The following KCNU1 variants were observed in gnomAD, a reference collection of about 807,000 sequenced individuals.
The protein encoded by KCNU1 is potassium calcium-activated channel subfamily U member 1, also known as potassium channel subfamily U member 1.
Under a neutral mutation model 126.8 loss-of-function variants are expected in KCNU1, and 93 were observed. That is an observed-to-expected ratio of 0.73 (90% CI 0.62 to 0.87). The LOEUF is 0.87. Among genes scored for constraint, KCNU1 ranks in the 40% least tolerant of loss-of-function variants. The pLI is 0.00. For missense variants in KCNU1, 1,330 were observed against 1,367.1 expected (o/e 0.97, Z 0.43); for synonymous variants, 523 against 494.2 (o/e 1.06, Z -0.77).
At chr8:36,789,468 C>T (rs1802827648) in intron 2 of KCNU1, among the ~76,000 whole-genome samples, 1 of 152,000 alleles carries the variant, frequency 6.6e-6, no homozygotes, top group Admixed American at 6.6e-5. Flanking sequence ...TCCTTCTATC[C>T]TTCTTTCCTT....
At chr8:36,808,380 C>A (rs376671471) in intron 6 of KCNU1, among the ~76,000 whole-genome samples, 3 of 152,110 alleles carry the variant, frequency 2.0e-5, no homozygotes, top group African/African-American at 7.2e-5. Flanking sequence ...ATAACAATCT[C>A]TATGATCCAC....
At chr8:36,802,910 A>T (rs1803364086) in intron 2 of KCNU1, among the ~76,000 whole-genome samples, 1 of 152,282 alleles carries the variant, frequency 6.6e-6, no homozygotes, top group Admixed American at 6.5e-5. Context: ...TCACAAGAGG[A>T]GCTAGAGAAA....
intron 24 of KCNU1, among the ~76,000 whole-genome samples, chr8:36,927,736 G>A (rs13280170): frequency 1.3e-5 from 2 of 152,048 alleles, no homozygotes; most frequent in Admixed American, 6.6e-5. Context: ...CAACATTCAC[G>A]GTAGCTGAAA....
chr8:36,920,027 T>A (rs1163669653), intron 23 of KCNU1, among the ~76,000 whole-genome samples: 1 of 152,312 alleles, frequency 6.6e-6, no homozygotes, highest in Middle Eastern at 3.4e-3. Context: ...CCTAGACCCC[T>A]GGATCCTAGT....
chr8:36,887,018 A>C (rs1806731172), intron 19 of KCNU1, among the ~76,000 whole-genome samples: 1 of 152,130 alleles, frequency 6.6e-6, no homozygotes, highest in Non-Finnish European at 1.5e-5. Context: ...TGGTGTATAT[A>C]TACCACGTTT....
At chr8:36,813,952 T>A (rs141894175) in intron 7 of KCNU1, among the ~76,000 whole-genome samples, 12 of 152,280 alleles carry the variant, frequency 7.9e-5, no homozygotes, top group Non-Finnish European at 1.2e-4. Flanking sequence ...GTGGAGCTTT[T>A]CAAATGCTGT....
chr8:36,907,151 G>A (rs1390418877), intron 20 of KCNU1, among the ~76,000 whole-genome samples: 1 of 152,136 alleles, frequency 6.6e-6, no homozygotes, highest in East Asian at 1.9e-4. Context: ...AATTTGAAAT[G>A]TGAGCCTCTA....
In KCNU1 at chr8:36,886,238, G is replaced by A. The variant is rs1271018989; in HGVS notation, c.2010-19470G>A. On this transcript the variant is annotated intron_variant, in intron 19 of 26. Coordinates refer to ENST00000399881, the MANE Select transcript of KCNU1 (RefSeq NM_001031836.3). ...ACTGCAGCTACAGCAAACAAACAGT[G>A]CAATTCCTAGCTAGATTAACATAAA... 2.6e-5 allele frequency among the ~76,000 whole-genome samples: 4 copies of A among 152,150 alleles called. No homozygotes were observed. In the East Asian group the frequency reaches 7.7e-4, roughly 29 times the overall value.
chr8:36,826,998 T>C (rs1347891522), intron 10 of KCNU1, among the ~76,000 whole-genome samples: 2 of 152,238 alleles, frequency 1.3e-5, no homozygotes, highest in East Asian at 1.9e-4. Context: ...TTACTGGCTG[T>C]GGCTTCTGCT....
chr8:36,919,814 A>T (rs573522767), intron 23 of KCNU1, among the ~76,000 whole-genome samples: 3 of 152,206 alleles, frequency 2.0e-5, no homozygotes, highest in Non-Finnish European at 2.9e-5. Context: ...AACCACTGGG[A>T]TTTATCCCAA....
chr8:36,928,778 A>T (rs752976235), intron 24 of KCNU1: 3 of 491,512 alleles, frequency 6.1e-6, no homozygotes, highest in Non-Finnish European at 3.6e-6. Flanking sequence ...GACACAGCCT[A>T]TCTTCTGAAG....
chr8:36,928,494 A>G (rs990158011), intron 24 of KCNU1, among the ~76,000 whole-genome samples: 2 of 152,154 alleles, frequency 1.3e-5, no homozygotes, highest in African/African-American at 4.8e-5. Context: ...AACAAAGAAG[A>G]AACATAAGGA....
At chr8:36,795,785 C>G (rs1403938252) in intron 2 of KCNU1, 3 of 152,276 alleles carry the variant, frequency 2.0e-5, no homozygotes, top group Non-Finnish European at 4.4e-5. Flanking sequence ...CCAGCTCATC[C>G]TTTGCCCTCT....
intron 19 of KCNU1, among the ~76,000 whole-genome samples, chr8:36,905,460 C>A (rs199601756): frequency 1.5e-4 from 22 of 145,358 alleles, no homozygotes; most frequent in South Asian, 4.4e-4. Context: ...TAATCTAAGG[C>A]AAAAAAAAAA....
chr8:36,909,527 A>T lies in KCNU1; in HGVS notation c.2323A>T (p.Ile775Phe). ...TCTCTGGAATTTTCCCCAGATATAC[A>T]TTCTGCCTGTAAGTATCATATAAGG... ...RFLWNFPQIY[I>F]LPGCALYSGD... is the part of the protein sequence containing the mutation. Residue 775 changes from isoleucine to phenylalanine, a missense_variant, in exon 21 of 27, where the codon ATT becomes TTT. Ile to Phe is a conservative substitution (Grantham distance 21). This residue lies in a region of KCNU1 where 1,054 missense variants were observed against 1,053.9 expected (regional missense o/e 1.00). Coordinates refer to ENST00000399881, the MANE Select transcript of KCNU1 (RefSeq NM_001031836.3). 6.4e-7 allele frequency: 1 copy of T among 1,566,106 alleles called. No homozygotes were observed.
intron 24 of KCNU1, among the ~76,000 whole-genome samples, chr8:36,926,345 A>G (rs1293163839): frequency 6.6e-6 from 1 of 152,222 alleles, no homozygotes; most frequent in East Asian, 1.9e-4. Context: ...AGGGATTTTC[A>G]AGTTTATTTT....
At chr8:36,823,895 T>C (rs1804221131) in intron 10 of KCNU1, among the ~76,000 whole-genome samples, 1 of 149,658 alleles carries the variant, frequency 6.7e-6, no homozygotes, top group Non-Finnish European at 1.5e-5. Flanking sequence ...TGTAGTGCAA[T>C]GGTGCGATCT....
At chr8:36,870,933 C>A (rs1806079214) in intron 19 of KCNU1, among the ~76,000 whole-genome samples, 1 of 152,076 alleles carries the variant, frequency 6.6e-6, no homozygotes, top group East Asian at 1.9e-4. Flanking sequence ...TTATGTTTCC[C>A]ATTCTATGGT....
intron 2 of KCNU1, among the ~76,000 whole-genome samples, chr8:36,801,214 T>C (rs974800684): frequency 6.6e-6 from 1 of 152,222 alleles, no homozygotes; most frequent in East Asian, 1.9e-4. Flanking sequence ...CTTTAGATAA[T>C]AGGAAAGTCT....
Sources: allele counts gnomAD v4.1 joint callset (sites outside exome capture counted in the v4.1 genomes callset), GRCh38; gene constraint gnomAD v4.1.1; regional missense constraint gnomAD v4.1.1; transcripts MANE v1.5; gene names NCBI Gene and HGNC (gene_info 2026-07-23, HGNC 2026-07-21).